MBTPS2: variants seen among roughly 807,000 people sequenced by gnomAD.
The protein encoded by MBTPS2 is membrane bound transcription factor peptidase, site 2, also known as membrane-bound transcription factor site-2 protease.
Under a neutral mutation model 35.4 loss-of-function variants are expected in MBTPS2, and 2 were observed. The ratio of observed to expected loss-of-function variants is 0.06; its 90% CI spans 0.02 to 0.18. The LOEUF (loss-of-function observed/expected upper bound fraction) is 0.18, where lower values mean the gene tolerates loss of function less well. MBTPS2 is among the 10% of genes least tolerant of loss of function. The pLI is 1.00. For synonymous variants in MBTPS2, 125 were observed against 140.4 expected, an observed-to-expected ratio of 0.89 and a Z score of 0.77; for missense variants, 244 against 386.5, an observed-to-expected ratio of 0.63 and a Z score of 3.09.
Position 21,856,676 on chromosome X carries a change from G to C in MBTPS2, c.670+3173G>C, listed in dbSNP as rs773669593. 31 of 1,209,999 alleles carry C rather than the reference G, an allele frequency of 2.6e-5. 1 individual carries two copies. In the Admixed American group the frequency reaches 6.6e-4, roughly 26 times the overall value. On this transcript the variant is annotated intron_variant, in intron 5 of 10. Transcript: ENST00000379484. ...ATCCGCCATTGATGGTGTTGCAGCC[G>C]CTCTTCACGAACACGGGCTATGGCG... is the stretch of plus-strand genomic sequence containing the variant.
intron 5 of MBTPS2, chrX:21,856,310 CTGCAGCTCGCGCCTTTCT>C: frequency 2.4e-5 from 9 of 378,780 alleles, no homozygotes; most frequent in Non-Finnish European, 4.1e-5. Context: ...GCGCCTTTCT[CTGCAGCTCGCGCCTTTCT>C]CTGCAGCTCG....
At chrX:21,847,553 T>G (rs2147430742) in intron 3 of MBTPS2, among the ~76,000 whole-genome samples, 1 of 112,204 alleles carries the variant, frequency 8.9e-6, no homozygotes, top group African/African-American at 3.2e-5. Context: ...CGTGTACTGT[T>G]GCCAGCAAAT....
At chrX:21,856,816 T>C (rs189927135) in intron 5 of MBTPS2, 4 of 1,209,916 alleles carry the variant, frequency 3.3e-6, no homozygotes, top group African/African-American at 3.5e-5. Flanking sequence ...CCGGATAGCA[T>C]TGAAGACGAG....
At chrX:21,878,807 A>G (rs1322768953) in intron 9 of MBTPS2, 115 bp downstream of exon 9, 4 of 562,170 alleles carry the variant, frequency 7.1e-6, no homozygotes, top group African/African-American at 2.3e-5. Flanking sequence ...TTGATCATTT[A>G]TCAAAGTCTT....
intron 9 of MBTPS2, among the ~76,000 whole-genome samples, chrX:21,879,972 A>G (rs1252521934): frequency 2.0e-4 from 4 of 20,052 alleles, no homozygotes; most frequent in Non-Finnish European, 2.8e-4. Context: ...TTTTTTTTTG[A>G]GACGGAGTTT....
In MBTPS2 at chrX:21,884,329, C is replaced by G. The variant is rs1280439884; in HGVS notation, c.*1674C>G. ...ATAGTAATGCTCAGTCAGACCTGTTCAAGTAGTAGAGCTTGGAGAATGCCA... is the reference window on the plus strand; with the variant it reads ...ATAGTAATGCTCAGTCAGACCTGTTGAAGTAGTAGAGCTTGGAGAATGCCA... On this transcript the variant is annotated 3_prime_UTR_variant, in exon 11 of 11. Coordinates refer to ENST00000379484, the MANE Select transcript of MBTPS2 (RefSeq NM_015884.4). The G allele has an allele frequency of 6.0e-5, 42 of 704,941 alleles. No individual in the cohort carries two copies. The highest frequency in any genetic ancestry group is 7.1e-5 in the Non-Finnish European group (42 of 594,329). The allele number at this position is 704,941 out of a possible 1,213,427, so 58.1% of individuals were successfully genotyped here.
Position 21,843,338 on chromosome X carries a change from G to A in MBTPS2, c.224+20G>A, listed in dbSNP as rs757587941. 1.7e-6 allele frequency: 2 copies of A among 1,198,347 alleles called. No individual in the cohort carries two copies. The highest frequency in any genetic ancestry group is 1.8e-5 in the African/African-American group (1 of 56,987). On this transcript the variant is annotated intron_variant, in intron 2 of 10. Coordinates refer to ENST00000379484, the MANE Select transcript of MBTPS2 (RefSeq NM_015884.4). ...CCAATGGTATTCTTCATCTTCTTTT[G>A]TTTGGTTTAGGTTAATCATTAAGTG...
chrX:21,853,376 G>C lies in MBTPS2; in HGVS notation c.543G>C (p.Arg181Ser). The change falls in exon 5 of 11, where the codon AGG (arginine) becomes AGC (serine). Residue 181 changes from arginine (R) to serine (S), a missense_variant and splice_region_variant. Physicochemically the swap from Arg to Ser is moderately radical, Grantham distance 110. Transcript: ENST00000379484. The stretch of plus-strand genomic sequence containing the variant: ...TCCTTTTTCTTATGTGATTTCTTAG[G>C]GAACAAGTTCGATTTAATGGCTTTG... ...HEIGHGIAAI[R>S]EQVRFNGFGI... 8.4e-7 allele frequency: 1 copy of C among 1,192,401 alleles called. No homozygotes were observed. Among genetic ancestry groups the C allele is most frequent in the Admixed American group, 2.2e-5 (1 of 45,770 alleles).
At chrX:21,881,712 G>T (rs2092959557) in intron 10 of MBTPS2, among the ~76,000 whole-genome samples, 1 of 111,360 alleles carries the variant, frequency 9.0e-6, no homozygotes, top group South Asian at 3.8e-4. Flanking sequence ...GAGGCAGGTG[G>T]ATCACCTGAG....
At chrX:21,877,252 G>A (rs1381437118) in intron 7 of MBTPS2, among the ~76,000 whole-genome samples, 1 of 111,541 alleles carries the variant, frequency 9.0e-6, no homozygotes, top group Non-Finnish European at 1.9e-5. Flanking sequence ...GACCAGCCTG[G>A]CCAACATGGT....
At chrX:21,857,623 A>G (rs1466447739) in intron 5 of MBTPS2, 2 of 1,178,678 alleles carry the variant, frequency 1.7e-6, no homozygotes, top group Admixed American at 2.4e-5. Flanking sequence ...GACCCCTCTC[A>G]GACTTGGGAA....
Position 21,839,625 on chromosome X carries a change from CT to C in MBTPS2, c.-108del. 2 of 808,037 alleles carry C rather than the reference CT, an allele frequency of 2.5e-6. No individual in the cohort carries two copies. The highest frequency in any genetic ancestry group is 2.6e-5 in the Admixed American group (1 of 38,216). The allele number at this position is 808,037 out of a possible 1,213,427, so 66.6% of individuals were successfully genotyped here. A position where few individuals can be genotyped will look rare whatever the true frequency, so the allele number is the denominator to read the frequency against. ...ACCGCAAGGAAGGAGCCGGCGGTAG[CT>C]TGGTTCCTGAGCGGATGCTGGGGCT... On this transcript the variant is annotated 5_prime_UTR_variant, in exon 1 of 11. Transcript: ENST00000379484.
intron 5 of MBTPS2, among the ~76,000 whole-genome samples, chrX:21,861,105 C>CA (rs2092930894): frequency 9.0e-6 from 1 of 111,705 alleles, no homozygotes; most frequent in Non-Finnish European, 1.9e-5. Context: ...ACAACTCAAT[C>CA]AAAAAATGGC....
rs1442833368 is a variant in MBTPS2 at position 21,855,375 on chromosome X, C to CA, written c.670+1879dup. On this transcript the variant is annotated intron_variant, in intron 5 of 10. Coordinates refer to ENST00000379484, the MANE Select transcript of MBTPS2 (RefSeq NM_015884.4). ...AGCTGAAATTAACCCAAGAGGCAAT[C>CA]AAAAAAATCTAAATAGGCAAATAAT... is the stretch of plus-strand genomic sequence containing the variant. 6.3e-5 allele frequency among the ~76,000 whole-genome samples: 7 copies of CA among 110,528 alleles called. No individual in the cohort carries two copies. The Admixed American group carries it at 6.7e-4, about 11-fold the overall frequency.
intron 5 of MBTPS2, chrX:21,856,329 C>G: frequency 2.0e-6 from 1 of 495,873 alleles, no homozygotes; most frequent in Non-Finnish European, 3.4e-6. Context: ...GCGCCTTTCT[C>G]TGCAGCTCGC....
chrX:21,856,373 C>T (rs1259626227), intron 5 of MBTPS2: 5 of 880,430 alleles, frequency 5.7e-6, no homozygotes, highest in Non-Finnish European at 7.8e-6. Flanking sequence ...TTCTCTGCAG[C>T]TCGCCCCTTC....
chrX:21,855,325 T>C lies in MBTPS2; in HGVS notation c.670+1822T>C, dbSNP rs779820257. Reference sequence around the variant, plus strand: ...CTCCACAAAAAAAATTTCAAAACCCTGTATAAATATAAGAAAATAAAAATA... The same window carrying C: ...CTCCACAAAAAAAATTTCAAAACCCCGTATAAATATAAGAAAATAAAAATA... On this transcript the variant is annotated intron_variant, in intron 5 of 10. Coordinates refer to ENST00000379484, the MANE Select transcript of MBTPS2 (RefSeq NM_015884.4). Among the ~76,000 whole-genome samples the C allele has an allele frequency of 2.4e-3, 270 of 111,454 alleles. 1 individual carries two copies. Among genetic ancestry groups the C allele is most frequent in the Non-Finnish European group, 4.1e-3 (219 of 53,027 alleles).
At chrX:21,867,271 G>A (rs2092941361) in intron 5 of MBTPS2, among the ~76,000 whole-genome samples, 1 of 111,824 alleles carries the variant, frequency 8.9e-6, no homozygotes, top group Non-Finnish European at 1.9e-5. Flanking sequence ...ATTAAAAGTT[G>A]CATTTAATTT....
chrX:21,860,257 C>A (rs927601337), intron 5 of MBTPS2, among the ~76,000 whole-genome samples: 4 of 111,010 alleles, frequency 3.6e-5, no homozygotes, highest in Non-Finnish European at 7.6e-5. Flanking sequence ...CTTAAAAATA[C>A]AAAAATTAGC....
Sources: allele counts gnomAD v4.1 joint callset (sites outside exome capture counted in the v4.1 genomes callset), GRCh38; gene constraint gnomAD v4.1.1; transcripts MANE v1.5; gene names NCBI Gene and HGNC (gene_info 2026-07-23, HGNC 2026-07-21).